RAB11FIP4: variants seen among roughly 807,000 people sequenced by gnomAD.
RAB11FIP4 encodes RAB11 family interacting protein 4, also known as rab11 family-interacting protein 4.
Under a neutral mutation model 74.3 loss-of-function variants are expected in RAB11FIP4, and 23 were observed. That is an observed-to-expected ratio of 0.31 (90% CI 0.22 to 0.44). The LOEUF (loss-of-function observed/expected upper bound fraction) is 0.44, where lower values mean the gene tolerates loss of function less well. Among genes scored for constraint, RAB11FIP4 ranks in the 20% least tolerant of loss-of-function variants. The pLI, the probability that RAB11FIP4 is intolerant of heterozygous loss-of-function variation, is 1.00. For synonymous variants in RAB11FIP4, 360 were observed against 359.9 expected (o/e 1.00, Z 0.00); for missense variants, 630 against 863.9 (o/e 0.73, Z 3.39).
At chr17:31,428,885 T>C (rs1450914894) in intron 1 of RAB11FIP4, among the ~76,000 whole-genome samples, 1 of 152,104 alleles carries the variant, frequency 6.6e-6, no homozygotes, top group African/African-American at 2.4e-5. Context: ...GAGGCTGCAG[T>C]GATCTATGAT....
intron 3 of RAB11FIP4, among the ~76,000 whole-genome samples, chr17:31,498,568 C>G (rs2072160234): frequency 6.6e-6 from 1 of 152,200 alleles, no homozygotes; most frequent in African/African-American, 2.4e-5. Flanking sequence ...CACGTGGAGC[C>G]TTGGCCATTG....
intron 3 of RAB11FIP4, among the ~76,000 whole-genome samples, chr17:31,516,092 G>A (rs1406670342): frequency 6.6e-6 from 1 of 152,092 alleles, no homozygotes; most frequent in Admixed American, 6.6e-5. Flanking sequence ...AGATGCGAAC[G>A]TGAAATACCT....
At chr17:31,476,240 A>G (rs557500097) in intron 3 of RAB11FIP4, among the ~76,000 whole-genome samples, 108 of 124,920 alleles carry the variant, frequency 8.6e-4, no homozygotes, top group African/African-American at 3.2e-3. Flanking sequence ...GCTGGAGTGC[A>G]GTGGTGCAAT....
intron 1 of RAB11FIP4, among the ~76,000 whole-genome samples, chr17:31,413,434 C>CCCCGA (rs2071117743): frequency 6.6e-6 from 1 of 151,904 alleles, no homozygotes; most frequent in Admixed American, 6.6e-5. Context: ...TCCATAGGCC[C>CCCCGA]CCCGAGAAGA....
At chr17:31,503,298 G>T (rs1043068773) in intron 3 of RAB11FIP4, among the ~76,000 whole-genome samples, 1 of 149,822 alleles carries the variant, frequency 6.7e-6, no homozygotes, top group East Asian at 1.9e-4. Flanking sequence ...CTCCCAAAGT[G>T]CTGGGATTGT....
intron 3 of RAB11FIP4, chr17:31,488,343 G>C: frequency 8.9e-7 from 1 of 1,122,832 alleles, no homozygotes. Flanking sequence ...CCGGCCCGCG[G>C]CCCCGGGAAG....
At chr17:31,477,224 G>A (rs1198956590) in intron 3 of RAB11FIP4, among the ~76,000 whole-genome samples, 7 of 152,340 alleles carry the variant, frequency 4.6e-5, no homozygotes, top group South Asian at 2.1e-4. Context: ...ACTCAGAGTC[G>A]TCATCGTCCA....
chr17:31,430,545 G>A (rs1185082607), intron 1 of RAB11FIP4, among the ~76,000 whole-genome samples: 4 of 151,744 alleles, frequency 2.6e-5, no homozygotes, highest in Non-Finnish European at 5.9e-5. Flanking sequence ...ATTTTTAGTA[G>A]AGATGGGGTT....
At chr17:31,520,668 C>T (rs546819980) in intron 4 of RAB11FIP4, among the ~76,000 whole-genome samples, 118 of 152,136 alleles carry the variant, frequency 7.8e-4, no homozygotes, top group African/African-American at 2.7e-3. Context: ...CCACCACGCC[C>T]GGCTAATTTT....
intron 1 of RAB11FIP4, among the ~76,000 whole-genome samples, chr17:31,402,232 C>CCATCCATCCAT (rs57785883): frequency 1.2e-3 from 174 of 150,078 alleles, no homozygotes; most frequent in African/African-American, 2.3e-3. Context: ...CATCCATCCA[C>CCATCCATCCAT]CCACCATCTA....
Position 31,521,886 on chromosome 17 carries a change from G to C in RAB11FIP4, c.759-29G>C, listed in dbSNP as rs12601854. The C allele has an allele frequency of 8.4e-3, 13,590 of 1,613,734 alleles. 1,376 individuals are homozygous for C. In the East Asian group the frequency reaches 0.24, roughly 28 times the overall value. ...GGGCACCAGACTGGACAGCAGTTAA[G>C]GTGGTGATTCCTTTCCCTCATGAAT... is the stretch of plus-strand genomic sequence containing the variant. On this transcript the variant is annotated intron_variant, in intron 5 of 14. Coordinates refer to ENST00000621161, the MANE Select transcript of RAB11FIP4 (RefSeq NM_032932.6).
intron 1 of RAB11FIP4, among the ~76,000 whole-genome samples, chr17:31,402,705 T>TCTGCCTCCCAGGTTCACGCCATTCTC (rs2071000707): frequency 6.6e-6 from 1 of 151,750 alleles, no homozygotes; most frequent in Admixed American, 6.6e-5. Flanking sequence ...CACTGCAAGC[T>TCTGCCTCCCAGGTTCACGCCATTCTC]CTGCCTCCCA....
intron 1 of RAB11FIP4, among the ~76,000 whole-genome samples, chr17:31,402,872 G>C (rs191986997): frequency 2.0e-5 from 3 of 151,744 alleles, no homozygotes; most frequent in Non-Finnish European, 4.4e-5. Flanking sequence ...TGATCCACCC[G>C]CCTTGGCCTC....
At position 31,408,807 on chromosome 17, in the gene RAB11FIP4, G is replaced by T. The variant is rs554090377; in HGVS notation, c.159+16796G>T. ...GAGTCAAGGAGAACAGCTGGGGCAG[G>T]GGCAGTGGTCTTAACAGACAGGGTC... On this transcript the variant is annotated intron_variant, in intron 1 of 14. Coordinates refer to ENST00000621161, the MANE Select transcript of RAB11FIP4 (RefSeq NM_032932.6). Among the ~76,000 whole-genome samples, 179 of 152,322 alleles carry T rather than the reference G, an allele frequency of 1.2e-3. 1 individual carries two copies. The highest frequency in any genetic ancestry group is 3.8e-3 in the Admixed American group (58 of 15,298).
intron 3 of RAB11FIP4, among the ~76,000 whole-genome samples, chr17:31,462,900 T>C (rs2071646868): frequency 6.6e-6 from 1 of 152,188 alleles, no homozygotes; most frequent in South Asian, 2.1e-4. Flanking sequence ...CCTCCCAAAG[T>C]GCTGGCATTA....
intron 3 of RAB11FIP4, chr17:31,448,374 T>C (rs1228688865): frequency 3.6e-5 from 5 of 139,596 alleles, no homozygotes; most frequent in Admixed American, 7.8e-5. Flanking sequence ...CACAGGCTCA[T>C]ACCACCACAT....
chr17:31,522,339 CTG>C lies in RAB11FIP4; in HGVS notation c.894-19_894-18del, dbSNP rs552554738. ...GGACTAGAACCCCTCTGTTCAATGA[CTG>C]TTTCCTTTCTCTCTCTAGCCCCAAC... On this transcript the variant is annotated intron_variant, in intron 6 of 14. Transcript: ENST00000621161. The C allele has an allele frequency of 3.4e-4, 546 of 1,613,270 alleles. 6 individuals carry two copies. In the East Asian group the frequency reaches 9.7e-3, roughly 29 times the overall value.
At chr17:31,525,372 C>A in intron 10 of RAB11FIP4, 142 bp downstream of exon 10, 1 of 760,554 alleles carries the variant, frequency 1.3e-6, no homozygotes, top group Non-Finnish European at 2.1e-6. Context: ...AGTAACAGTT[C>A]CACTTTAATA....
chr17:31,409,787 G>A (rs1006040049), intron 1 of RAB11FIP4, among the ~76,000 whole-genome samples: 7 of 152,172 alleles, frequency 4.6e-5, no homozygotes, highest in African/African-American at 1.7e-4. Context: ...TTACTTAACC[G>A]ACTGGGTGAG....
Sources: gnomAD v4.1 joint callset for allele counts (sites outside exome capture counted in the v4.1 genomes callset) on GRCh38, gnomAD v4.1.1 for gene constraint, MANE v1.5 for transcripts, NCBI Gene and HGNC (gene_info 2026-07-23, HGNC 2026-07-21) for gene names.